The following MAOB variants were observed in gnomAD, a reference collection of about 807,000 sequenced individuals.
MAOB encodes the protein monoamine oxidase B.
A neutral mutation model predicts 41.9 loss-of-function variants in MAOB; 15 were observed. The ratio of observed to expected loss-of-function variants is 0.36; its 90% CI spans 0.24 to 0.55. MAOB has a LOEUF of 0.55. Among genes scored for constraint, MAOB ranks in the 20% least tolerant of loss-of-function variants. MAOB has a pLI of 0.86. For synonymous variants in MAOB, 167 were observed against 144.2 expected (o/e 1.16, Z -1.13); for missense variants, 345 against 398.7 (o/e 0.87, Z 1.15).
chrX:43,843,357 TCACA>T (rs61018201), intron 2 of MAOB, among the ~76,000 whole-genome samples: 14,846 of 83,508 alleles, frequency 0.18, 1,355 homozygotes, highest in Admixed American at 0.24. Context: ...TCTCTCTGTC[TCACA>T]CACACACACA....
intron 3 of MAOB, among the ~76,000 whole-genome samples, chrX:43,817,683 C>A (rs889632577): frequency 8.9e-6 from 1 of 112,058 alleles, no homozygotes; most frequent in African/African-American, 3.2e-5. Context: ...ACCACTCTCT[C>A]CCTTTGTTCA....
chrX:43,795,356 C>T (rs976597275), intron 7 of MAOB, among the ~76,000 whole-genome samples: 7 of 112,027 alleles, frequency 6.2e-5, no homozygotes, highest in African/African-American at 2.0e-4. Context: ...GCTTTCATGC[C>T]CTCCCCAGGC....
At chrX:43,806,427 A>G (rs369920677) in intron 3 of MAOB, among the ~76,000 whole-genome samples, 1 of 111,526 alleles carries the variant, frequency 9.0e-6, no homozygotes, top group African/African-American at 3.3e-5. Flanking sequence ...TCATTTTTAG[A>G]TTAGGACTAT....
At chrX:43,864,731 G>A (rs772076951) in intron 1 of MAOB, among the ~76,000 whole-genome samples, 2 of 111,277 alleles carry the variant, frequency 1.8e-5, no homozygotes. Flanking sequence ...TTTGGAACTG[G>A]GTCAGAACTA....
At chrX:43,835,601 C>T (rs140811250) in intron 3 of MAOB, among the ~76,000 whole-genome samples, 2 of 112,144 alleles carry the variant, frequency 1.8e-5, no homozygotes, top group African/African-American at 6.5e-5. Context: ...TAGATACAAA[C>T]ATGTCTGACA....
intron 3 of MAOB, among the ~76,000 whole-genome samples, chrX:43,808,699 GACACACACACAC>G (rs147523888): frequency 2.3e-5 from 2 of 87,610 alleles, no homozygotes; most frequent in Non-Finnish European, 4.6e-5. Flanking sequence ...TCTACACATA[GACACACACACAC>G]ACACACACAC....
chrX:43,829,741 C>T (rs1369625644), intron 3 of MAOB, among the ~76,000 whole-genome samples: 7 of 112,074 alleles, frequency 6.2e-5, no homozygotes, highest in Non-Finnish European at 1.1e-4. Context: ...AGTTAATTTG[C>T]GATGTACTGT....
At chrX:43,868,234 T>A (rs1043334240) in intron 1 of MAOB, among the ~76,000 whole-genome samples, 3 of 112,576 alleles carry the variant, frequency 2.7e-5, no homozygotes, top group African/African-American at 9.7e-5. Flanking sequence ...CAGCTTCTGC[T>A]AGTTTTCTGA....
rs145943482 is a variant in MAOB, at chrX:43,841,734, G to A, written c.141+1936C>T. On this transcript the variant is annotated intron_variant, in intron 2 of 14. Coordinates refer to ENST00000378069, the MANE Select transcript of MAOB (RefSeq NM_000898.5). ...ACTCACCAACCAATAGAACAGGATAGAAAGCTCAAAAATAAACCCACACAT... is the reference window on the plus strand; with the variant it reads ...ACTCACCAACCAATAGAACAGGATAAAAAGCTCAAAAATAAACCCACACAT... Among the ~76,000 whole-genome samples, 1,031 of 111,965 alleles carry A rather than the reference G, an allele frequency of 9.2e-3. 12 individuals are homozygous for A. The highest frequency in any genetic ancestry group is 0.032 in the African/African-American group (983 of 30,833).
At chrX:43,805,140 T>C (rs2034646353) in intron 3 of MAOB, among the ~76,000 whole-genome samples, 2 of 111,782 alleles carry the variant, frequency 1.8e-5, no homozygotes, top group South Asian at 7.5e-4. Flanking sequence ...ACGCATTACC[T>C]TACATACCTA....
At chrX:43,855,203 A>C (rs2035280158) in intron 1 of MAOB, among the ~76,000 whole-genome samples, 1 of 112,039 alleles carries the variant, frequency 8.9e-6, no homozygotes, top group African/African-American at 3.2e-5. Flanking sequence ...TTCAAACAGA[A>C]GTCACAAGTG....
At chrX:43,802,924 T>A (rs1476367578) in intron 4 of MAOB, among the ~76,000 whole-genome samples, 2 of 111,685 alleles carry the variant, frequency 1.8e-5, no homozygotes, top group Non-Finnish European at 3.8e-5. Flanking sequence ...TCTGCACATG[T>A]ATCCCGGAGC....
intron 3 of MAOB, among the ~76,000 whole-genome samples, chrX:43,826,655 T>G (rs1332432079): frequency 9.0e-6 from 1 of 111,723 alleles, no homozygotes; most frequent in Non-Finnish European, 1.9e-5. Flanking sequence ...TCCTGTGGCA[T>G]CATAACGTGG....
intron 10 of MAOB, among the ~76,000 whole-genome samples, chrX:43,779,965 AC>A (rs908903050): frequency 9.0e-6 from 1 of 111,601 alleles, no homozygotes; most frequent in Non-Finnish European, 1.9e-5. Flanking sequence ...CTTCCCCACA[AC>A]ACAGTAATTT....
chrX:43,769,448 G>A (rs2034153353), intron 12 of MAOB, 30 bp from the exon 13 acceptor site: 2 of 1,196,901 alleles, frequency 1.7e-6, no homozygotes, highest in African/African-American at 3.5e-5. Flanking sequence ...GGCAAAAGTG[G>A]TCAGTCTCAG....
chrX:43,837,886 A>T (rs1185438768), intron 3 of MAOB: 1 of 328,959 alleles, frequency 3.0e-6, no homozygotes, highest in African/African-American at 2.7e-5. Context: ...TCTGATTGTC[A>T]GAGAACATGA....
rs1199666823 is a variant in MAOB, at chrX:43,770,859, T to C, written c.1236-1441A>G. On this transcript the variant is annotated intron_variant, in intron 12 of 14. Transcript: ENST00000378069. Reference sequence around the variant, plus strand: ...TGCTATACAAGGGACTGAAATGTCATAGCACTTGGCCTGTAAGAGGGGCAG... The same window carrying C: ...TGCTATACAAGGGACTGAAATGTCACAGCACTTGGCCTGTAAGAGGGGCAG... 4.5e-5 allele frequency among the ~76,000 whole-genome samples: 5 copies of C among 112,091 alleles called. No individual in the cohort carries two copies. In the Admixed American group the frequency reaches 4.7e-4, roughly 11 times the overall value.
chrX:43,881,587 C>T (rs762260434), intron 1 of MAOB, among the ~76,000 whole-genome samples: 1 of 112,199 alleles, frequency 8.9e-6, no homozygotes, highest in Non-Finnish European at 1.9e-5. Flanking sequence ...GTGTCTGTCC[C>T]CATCCTTGCC....
chrX:43,843,066 C>T (rs2035157448), intron 2 of MAOB, among the ~76,000 whole-genome samples: 1 of 110,643 alleles, frequency 9.0e-6, no homozygotes, highest in Non-Finnish European at 1.9e-5. Flanking sequence ...AAATGTATCA[C>T]CACAAAAAAT....
Sources: allele counts gnomAD v4.1 joint callset (sites outside exome capture counted in the v4.1 genomes callset), GRCh38; gene constraint gnomAD v4.1.1; transcripts MANE v1.5; gene names NCBI Gene and HGNC (gene_info 2026-07-23, HGNC 2026-07-21).